The following CCDC178 variants were observed in gnomAD, a reference collection of about 807,000 sequenced individuals.
CCDC178 encodes the protein coiled-coil domain containing 178, also known as coiled-coil domain-containing protein 178.
CCDC178 carries 126 observed loss-of-function variants against 117.4 expected under a neutral mutation model. The ratio of observed to expected loss-of-function variants is 1.07; its 90% CI spans 0.93 to 1.24. The LOEUF (loss-of-function observed/expected upper bound fraction) is 1.24. Among genes scored for constraint, CCDC178 ranks in the 50% most tolerant of loss-of-function variants. The probability of loss-of-function intolerance (pLI) is 0.00; values close to 1 mark genes in which losing one functional copy is unlikely to be tolerated. For missense variants in CCDC178, 1,030 were observed against 986.9 expected (o/e 1.04, Z -0.59); for synonymous variants, 283 against 313.4 (o/e 0.90, Z 1.02).
intron 20 of CCDC178, among the ~76,000 whole-genome samples, chr18:33,195,061 G>A (rs2058912613): frequency 6.7e-6 from 1 of 149,930 alleles, no homozygotes. Flanking sequence ...AGGCTGCAGT[G>A]AGCTATGATA....
chr18:32,981,905 G>A (rs1411401391), intron 21 of CCDC178, among the ~76,000 whole-genome samples: 2 of 152,090 alleles, frequency 1.3e-5, no homozygotes, highest in African/African-American at 4.8e-5. Flanking sequence ...ATTAAAGATT[G>A]CCATATGTAA....
At chr18:33,245,949 C>T (rs942894166) in intron 14 of CCDC178, among the ~76,000 whole-genome samples, 1 of 151,848 alleles carries the variant, frequency 6.6e-6, no homozygotes, top group East Asian at 1.9e-4. Context: ...AGCACTGTCT[C>T]AGTTGTAGCA....
In CCDC178 at chr18:33,034,170, T is replaced by C. The variant is rs188559267; in HGVS notation, c.2388+58591A>G. Among the ~76,000 whole-genome samples, 5 of 152,112 alleles carry C rather than the reference T, an allele frequency of 3.3e-5. No homozygotes were observed. In the East Asian group the frequency reaches 9.7e-4, roughly 29 times the overall value. On this transcript the variant is annotated intron_variant, in intron 21 of 22. Coordinates refer to ENST00000383096, the MANE Select transcript of CCDC178 (RefSeq NM_001105528.4). Reference sequence around the variant, plus strand: ...TTCTGTCTATCTTGTGGCTTTTACCTCTGAATTATGTCTCATTTCCTTCCT... The same window carrying C: ...TTCTGTCTATCTTGTGGCTTTTACCCCTGAATTATGTCTCATTTCCTTCCT...
At chr18:32,959,938 A>C (rs1162068684) in intron 22 of CCDC178, among the ~76,000 whole-genome samples, 1 of 152,054 alleles carries the variant, frequency 6.6e-6, no homozygotes, top group Non-Finnish European at 1.5e-5. Context: ...GAATACATAA[A>C]ATTTATGTCT....
rs118070412 is a variant in CCDC178 at position 33,268,566 on chromosome 18, G to C, written c.1177-1269C>G. On this transcript the variant is annotated intron_variant, in intron 12 of 22. Coordinates refer to ENST00000383096, the MANE Select transcript of CCDC178 (RefSeq NM_001105528.4). ...TCACTTGCATAATCTTGGGCTAAAG[G>C]AGAGTGTCACCTTGCCGAGTAAACC... 4.7e-3 allele frequency among the ~76,000 whole-genome samples: 711 copies of C among 151,928 alleles called. 3 individuals carry two copies. The highest frequency in any genetic ancestry group is 0.014 in the Middle Eastern group (4 of 294).
intron 5 of CCDC178, among the ~76,000 whole-genome samples, chr18:33,385,172 T>G (rs575250242): frequency 2.0e-5 from 3 of 152,212 alleles, no homozygotes; most frequent in Non-Finnish European, 4.4e-5. Flanking sequence ...CTGACTATCC[T>G]AAATATATGT....
At chr18:33,070,219 T>A (rs2144993613) in intron 21 of CCDC178, among the ~76,000 whole-genome samples, 1 of 152,148 alleles carries the variant, frequency 6.6e-6, no homozygotes, top group Non-Finnish European at 1.5e-5. Flanking sequence ...AAGGAATACC[T>A]GCACCCGCAT....
intron 20 of CCDC178, among the ~76,000 whole-genome samples, chr18:33,192,629 G>A (rs1265938402): frequency 6.6e-6 from 1 of 152,130 alleles, no homozygotes; most frequent in African/African-American, 2.4e-5. Context: ...GGCCCTGCGC[G>A]GTGGCTCACG....
chr18:32,943,512 T>C (rs1197833857), intron 22 of CCDC178, among the ~76,000 whole-genome samples: 1 of 152,164 alleles, frequency 6.6e-6, no homozygotes, highest in Non-Finnish European at 1.5e-5. Flanking sequence ...ATAAATAAAA[T>C]TGTATACTAT....
intron 21 of CCDC178, among the ~76,000 whole-genome samples, chr18:33,051,743 A>T (rs2056751478): frequency 6.6e-6 from 1 of 152,096 alleles, no homozygotes; most frequent in South Asian, 2.1e-4. Flanking sequence ...GTCACTGCTG[A>T]CTCTGGTCAG....
At chr18:33,174,729 C>A (rs913409819) in intron 20 of CCDC178, among the ~76,000 whole-genome samples, 1 of 152,124 alleles carries the variant, frequency 6.6e-6, no homozygotes, top group South Asian at 2.1e-4. Context: ...CAAATACTTT[C>A]TTTAAAAAAA....
intron 20 of CCDC178, among the ~76,000 whole-genome samples, chr18:33,114,064 A>G (rs994075906): frequency 3.9e-5 from 6 of 152,094 alleles, no homozygotes; most frequent in Non-Finnish European, 8.8e-5. Flanking sequence ...ACTTTGGACT[A>G]TCATAGGAGA....
At chr18:33,300,400 T>C (rs2062161804) in intron 11 of CCDC178, among the ~76,000 whole-genome samples, 1 of 152,196 alleles carries the variant, frequency 6.6e-6, no homozygotes, top group South Asian at 2.1e-4. Flanking sequence ...ATAAAGATAC[T>C]TGAAAGTGTG....
intron 20 of CCDC178, among the ~76,000 whole-genome samples, chr18:33,203,885 A>G (rs967771503): frequency 4.6e-5 from 7 of 152,198 alleles, no homozygotes; most frequent in East Asian, 1.9e-4. Flanking sequence ...TCAAATGTCT[A>G]TAAGACTAAC....
chr18:33,040,958 T>C (rs1032269183), intron 21 of CCDC178, among the ~76,000 whole-genome samples: 1 of 151,976 alleles, frequency 6.6e-6, no homozygotes. Flanking sequence ...AGTGTGAATA[T>C]GCCTTGTGTT....
At chr18:32,954,889 T>C (rs1403078236) in intron 22 of CCDC178, among the ~76,000 whole-genome samples, 1 of 152,082 alleles carries the variant, frequency 6.6e-6, no homozygotes, top group Non-Finnish European at 1.5e-5. Context: ...AAAAGAAATA[T>C]CTATGTTAGA....
chr18:33,333,083 ACCTTT>A, intron 10 of CCDC178, 86 bp downstream of exon 10: 1 of 668,236 alleles, frequency 1.5e-6, no homozygotes, highest in Non-Finnish European at 2.5e-6. Context: ...AAAAAAAAAA[ACCTTT>A]AAAGCTGTGT....
intron 20 of CCDC178, among the ~76,000 whole-genome samples, chr18:33,109,531 G>T (rs974997155): frequency 6.6e-6 from 1 of 151,372 alleles, no homozygotes; most frequent in Non-Finnish European, 1.5e-5. Context: ...AGCATATGTC[G>T]TTATAGGGAT....
At chr18:33,084,016 G>C (rs1051823101) in intron 21 of CCDC178, among the ~76,000 whole-genome samples, 8 of 152,172 alleles carry the variant, frequency 5.3e-5, no homozygotes, top group African/African-American at 1.9e-4. Context: ...TTGTTGAAAA[G>C]ACTATGCTGC....
Sources: allele counts gnomAD v4.1 joint callset (sites outside exome capture counted in the v4.1 genomes callset), GRCh38; gene constraint gnomAD v4.1.1; transcripts MANE v1.5; gene names NCBI Gene and HGNC (gene_info 2026-07-23, HGNC 2026-07-21).